Variants in ALAS1 observed in about 807,000 individuals in gnomAD.
ALAS1 encodes 5-aminolevulinate synthase, non-specific, mitochondrial.
ALAS1 carries 29 observed loss-of-function variants against 59.6 expected under a neutral mutation model. The observed-to-expected ratio is 0.49, with a 90% CI of 0.36 to 0.66. The LOEUF (loss-of-function observed/expected upper bound fraction) is 0.66, where lower values mean the gene tolerates loss of function less well. Ranked by LOEUF, ALAS1 falls within the 30% of genes least tolerant of loss-of-function variation. ALAS1 has a pLI of 0.00. For synonymous variants in ALAS1, 299 were observed against 296.6 expected (o/e 1.01, Z -0.08); for missense variants, 690 against 807.5 (o/e 0.85, Z 1.76).
chr3:52,208,160 G>T lies in ALAS1; in HGVS notation c.1243G>T (p.Ala415Ser), dbSNP rs371320771. 3 of 1,613,328 alleles carry T rather than the reference G, an allele frequency of 1.9e-6. No homozygotes were observed. The highest frequency in any genetic ancestry group is 2.2e-5 in the South Asian group (2 of 90,980). Residue 415 changes from alanine to serine, a missense_variant, in exon 9 of 12, where the codon GCA (alanine) becomes TCA (serine). Coordinates refer to ENST00000484952, the MANE Select transcript of ALAS1 (RefSeq NM_000688.6). The stretch of plus-strand genomic sequence containing the variant: ...AATCACCTTCGTGGATGAGGTCCAC[G>T]CAGTGGGGCTTTATGGGGCTCGAGG... Reference protein sequence around the residue: ...GAITFVDEVHAVGLYGARGGG... With the variant: ...GAITFVDEVHSVGLYGARGGG...
In ALAS1 at chr3:52,199,366, A is replaced by C. The variant is rs745382348; in HGVS notation, c.125A>C (p.Lys42Thr). 7 of 1,614,092 alleles carry C rather than the reference A, an allele frequency of 4.3e-6. No individual in the cohort carries two copies. The Admixed American group carries it at 1.2e-4, about 27-fold the overall frequency. The change falls in exon 3 of 12, where the codon AAG (lysine) becomes ACG (threonine). Residue 42 changes from lysine (K) to threonine (T), a missense_variant. Transcript: ENST00000484952. Reference sequence around the variant, plus strand: ...CCCAAGATGATGGAAGTTGGGGCCAAGCCAGCCCCTCGGGCATTGTCCACT... The same window carrying C: ...CCCAAGATGATGGAAGTTGGGGCCACGCCAGCCCCTCGGGCATTGTCCACT... ...NCPKMMEVGA[K>T]PAPRALSTAA...
chr3:52,203,523 A>G (rs1699232231), intron 4 of ALAS1, among the ~76,000 whole-genome samples: 1 of 151,996 alleles, frequency 6.6e-6, no homozygotes, highest in South Asian at 2.1e-4. Context: ...CCTGGGTGAC[A>G]GAATGGGACT....
chr3:52,199,186 A>G (rs769934281), intron 2 of ALAS1, 24 bp from the exon 3 acceptor site: 1 of 1,609,346 alleles, frequency 6.2e-7, no homozygotes, highest in African/African-American at 1.3e-5. Flanking sequence ...ATTATTAACA[A>G]CTGTTGATGT....
intron 9 of ALAS1, among the ~76,000 whole-genome samples, chr3:52,210,779 TA>T (rs1037216594): frequency 1.2e-4 from 18 of 146,820 alleles, no homozygotes; most frequent in East Asian, 2.0e-4. Flanking sequence ...ACCCTGTCTC[TA>T]AAAAAAAAAG....
chr3:52,210,502 C>T (rs528002139), intron 9 of ALAS1, among the ~76,000 whole-genome samples: 5 of 152,080 alleles, frequency 3.3e-5, no homozygotes, highest in African/African-American at 4.8e-5. Context: ...TAGCCAGGCA[C>T]GATAGCTCAC....
Position 52,199,460 on chromosome 3 carries a change from A to G in ALAS1, c.199+20A>G, listed in dbSNP as rs185535407. The G allele has an allele frequency of 2.2e-4, 353 of 1,608,468 alleles. No individual in the cohort carries two copies. The African/African-American group carries it at 4.2e-3, about 19-fold the overall frequency. ...GTGAGAGTAAGTGTCATTGACAATG[A>G]AGGAGCAGGTATGGGTGTTTGTGCT... On this transcript the variant is annotated intron_variant, in intron 3 of 11. Coordinates refer to ENST00000484952, the MANE Select transcript of ALAS1 (RefSeq NM_000688.6).
chr3:52,203,556 G>C (rs191914929), intron 4 of ALAS1, among the ~76,000 whole-genome samples: 3 of 146,202 alleles, frequency 2.1e-5, no homozygotes, highest in African/African-American at 8.2e-5. Flanking sequence ...AAAAAAAACA[G>C]AAAATTGAGA....
At position 52,205,096 on chromosome 3, in the gene ALAS1, G is replaced by A. The variant is rs74956049; in HGVS notation, c.800+181G>A. Among the ~76,000 whole-genome samples, 979 of 152,292 alleles carry A rather than the reference G, an allele frequency of 6.4e-3. 9 individuals are homozygous for A. The highest frequency in any genetic ancestry group is 0.023 in the African/African-American group (939 of 41,560). On this transcript the variant is annotated intron_variant, in intron 6 of 11. Coordinates refer to ENST00000484952, the MANE Select transcript of ALAS1 (RefSeq NM_000688.6). ...CTTTTAAAGGAACTCTAATATGCAG[G>A]TAGCTGCTGGAGCCCCTTAACTTGT...
In ALAS1 at chr3:52,211,520, T is replaced by C; in HGVS notation, c.1568T>C (p.Val523Ala). The C allele has an allele frequency of 6.2e-7, 1 of 1,614,242 alleles. No homozygotes were observed. Among genetic ancestry groups the C allele is most frequent in the Non-Finnish European group, 8.5e-7 (1 of 1,180,032 alleles). The change falls in exon 10 of 12, where the codon GTC becomes GCC. Residue 523 changes from valine to alanine, a missense_variant. Val to Ala is a moderately conservative substitution (Grantham distance 64). Coordinates refer to ENST00000484952, the MANE Select transcript of ALAS1 (RefSeq NM_000688.6). ...QMLMDAGLPVVHCPSHIIPVR... is the reference protein window; with the variant it reads ...QMLMDAGLPVAHCPSHIIPVR... Reference sequence around the variant, plus strand: ...CTAATGGATGCCGGCCTCCCTGTTGTCCACTGCCCCAGCCACATCATCCCT... The same window carrying C: ...CTAATGGATGCCGGCCTCCCTGTTGCCCACTGCCCCAGCCACATCATCCCT...
At chr3:52,209,420 A>C (rs537630597) in intron 9 of ALAS1, among the ~76,000 whole-genome samples, 3 of 151,818 alleles carry the variant, frequency 2.0e-5, no homozygotes, top group East Asian at 1.9e-4. Flanking sequence ...TGTTAGCCAG[A>C]ATGTTCTCAA....
At position 52,211,277 on chromosome 3, in the gene ALAS1, TC is replaced by T; in HGVS notation, c.1331-3del. The T allele has an allele frequency of 6.2e-7, 1 of 1,611,176 alleles. No individual in the cohort carries two copies. Among genetic ancestry groups the T allele is most frequent in the Non-Finnish European group, 8.5e-7 (1 of 1,177,698 alleles). On this transcript the variant is annotated splice_region_variant and splice_polypyrimidine_tract_variant and intron_variant, in intron 9 of 11. Transcript: ENST00000484952. ...TGCTGTAATTAATGAAGCTATCTCC[TC>T]CCAGGCAAAGCCTTTGGTTGTGTTG...
chr3:52,199,751 C>G (rs1480986272), intron 3 of ALAS1, among the ~76,000 whole-genome samples: 1 of 152,190 alleles, frequency 6.6e-6, no homozygotes, highest in African/African-American at 2.4e-5. Context: ...TTGGAATGTT[C>G]TAATTTCCCT....
chr3:52,213,926 T>C (rs1577975851), intron 11 of ALAS1, 94 bp from the exon 12 acceptor site: 1 of 1,157,734 alleles, frequency 8.6e-7, no homozygotes, highest in East Asian at 2.5e-5. Flanking sequence ...AATGCTGCTA[T>C]GAACATTTGT....
chr3:52,210,269 G>T (rs1209031197), intron 9 of ALAS1, among the ~76,000 whole-genome samples: 1 of 152,164 alleles, frequency 6.6e-6, no homozygotes. Context: ...AGCTGTGCTG[G>T]CTGTCAGAGC....
intron 10 of ALAS1, among the ~76,000 whole-genome samples, chr3:52,211,839 C>T (rs1274641171): frequency 6.6e-6 from 1 of 152,162 alleles, no homozygotes; most frequent in African/African-American, 2.4e-5. Context: ...TGAGCTTGGC[C>T]AGCTTTGAAG....
At chr3:52,208,886 A>G (rs352165) in intron 9 of ALAS1, among the ~76,000 whole-genome samples, 71,104 of 152,122 alleles carry the variant, frequency 0.47, 17,390 homozygotes, top group Non-Finnish European at 0.54. Flanking sequence ...AGTTATTATA[A>G]ACATTCCCTC....
chr3:52,210,918 T>G (rs1404999445), intron 9 of ALAS1, among the ~76,000 whole-genome samples: 1 of 152,218 alleles, frequency 6.6e-6, no homozygotes, highest in East Asian at 1.9e-4. Context: ...ACCTAGATTA[T>G]ATAGCCTACC....
intron 9 of ALAS1, among the ~76,000 whole-genome samples, chr3:52,209,829 G>A (rs1019034507): frequency 2.0e-5 from 3 of 152,012 alleles, no homozygotes; most frequent in Non-Finnish European, 4.4e-5. Context: ...ACAGGTGTGC[G>A]CTAGCATGCC....
intron 6 of ALAS1, 108 bp downstream of exon 6, chr3:52,205,023 G>T: frequency 1.1e-6 from 1 of 918,994 alleles, no homozygotes; most frequent in Non-Finnish European, 1.7e-6. Flanking sequence ...CTGAAAGTGT[G>T]CCATAGCAAA....
Sources: gnomAD v4.1 joint callset for allele counts (sites outside exome capture counted in the v4.1 genomes callset) on GRCh38, gnomAD v4.1.1 for gene constraint, MANE v1.5 for transcripts, NCBI Gene and HGNC (gene_info 2026-07-23, HGNC 2026-07-21) for gene names.